Variants in NTN5 observed in about 807,000 individuals in gnomAD.
NTN5 encodes the protein netrin-5.
In NTN5, 42 loss-of-function variants were observed where a neutral mutation model predicts 38.7. The ratio of observed to expected loss-of-function variants is 1.08; its 90% confidence interval spans 0.85 to 1.40. The LOEUF (loss-of-function observed/expected upper bound fraction) is 1.40. NTN5 is among the 40% of genes most tolerant of loss of function. The pLI is 0.00. For missense variants in NTN5, 658 were observed against 716.5 expected (o/e 0.92, Z 0.93); for synonymous variants, 329 against 303.9 (o/e 1.08, Z -0.86).
At position 48,670,448 on chromosome 19, in the gene NTN5, T is replaced by TGGTGGCGGC. The variant is rs2031925701; in HGVS notation, c.530_538dup (p.His179_His180insArgArgHis). On this transcript the variant is annotated inframe_insertion, in exon 2 of 7. Coordinates refer to ENST00000270235, the MANE Select transcript of NTN5 (RefSeq NM_145807.4). ...GCTCTCGCACCCCGGGCCAGTGGTA[T>TGGTGGCGGC]GGTGGCGGCAGTGGCAGCGGGGGGG... 31 of 1,473,540 alleles carry TGGTGGCGGC rather than the reference T, an allele frequency of 2.1e-5. No homozygotes were observed. Among genetic ancestry groups the TGGTGGCGGC allele is most frequent in the Non-Finnish European group, 2.8e-5 (31 of 1,113,060 alleles). 91.3% of individuals were successfully genotyped at this position (1,473,540 alleles called of 1,614,324 possible). A position where few individuals can be genotyped will look rare whatever the true frequency, so the allele number is the denominator to read the frequency against.
rs1053863850 is a variant in NTN5 at position 48,664,752 on chromosome 19, T to G, written c.647A>C (p.Gln216Pro). Residue 216 changes from glutamine (Q) to proline (P), a missense_variant, in exon 3 of 7, where the codon CAG becomes CCG. Transcript: ENST00000270235. ...PHPCLPCSCN[Q>P]HARRCRFNSE... is the part of the protein sequence containing the mutation. ...GTTGAACCGGCAGCGTCGGGCGTGC[T>G]GGTTGCAGGAGCAGGCTAGGAGCAA... 4 of 1,563,948 alleles carry G rather than the reference T, an allele frequency of 2.6e-6. No individual in the cohort carries two copies. The highest frequency in any genetic ancestry group is 2.6e-6 in the Non-Finnish European group (3 of 1,155,556).
chr19:48,664,147 G>T lies in NTN5; in HGVS notation c.966C>A (p.Cys322Ter). Residue 322 changes from cysteine to a stop codon, truncating the protein, a stop_gained, in exon 4 of 7, where the codon TGC (cysteine) becomes TGA (stop). Coordinates refer to ENST00000270235, the MANE Select transcript of NTN5 (RefSeq NM_145807.4). LOFTEE classifies it high-confidence loss of function. Reference sequence around the variant, plus strand: ...GCCTGGCCCCTCAAGACTTACGCTGGCAGGGCATCCTGGGGGAGCGGCTCT... The same window carrying T: ...GCCTGGCCCCTCAAGACTTACGCTGTCAGGGCATCCTGGGGGAGCGGCTCT... ...YQQSRSPRMPCQRIPEATTTL... is the reference protein window; with the variant it reads ...YQQSRSPRMP The T allele has an allele frequency of 3.1e-6, 5 of 1,605,366 alleles. No individual in the cohort carries two copies. Among genetic ancestry groups the T allele is most frequent in the Middle Eastern group, 1.7e-4 (1 of 5,942 alleles).
intron 2 of NTN5, among the ~76,000 whole-genome samples, chr19:48,665,301 T>C (rs2031671033): frequency 6.6e-6 from 1 of 151,620 alleles, no homozygotes; most frequent in Non-Finnish European, 1.5e-5. Flanking sequence ...TTGGCTGTGA[T>C]GGCTTGTGCC....
Position 48,664,680 on chromosome 19 carries a change from T to TC in NTN5, c.718dup (p.Glu240GlyfsTer24). ...CCCAGCTGTGTGGTGGCGGCACCGCTCACAAACACCCCCACTCCGGCCGCC... is the reference window on the plus strand; with the variant it reads ...CCCAGCTGTGTGGTGGCGGCACCGCTCCACAAACACCCCCACTCCGGCCGCC... On this transcript the variant is annotated frameshift_variant, in exon 3 of 7. Coordinates refer to ENST00000270235, the MANE Select transcript of NTN5 (RefSeq NM_145807.4). LOFTEE classifies it high-confidence loss of function. 1 of 1,611,296 alleles carries TC rather than the reference T, an allele frequency of 6.2e-7. No individual in the cohort carries two copies. Among genetic ancestry groups the TC allele is most frequent in the South Asian group, 1.1e-5 (1 of 90,700 alleles).
At chr19:48,667,516 G>A (rs1347431025) in intron 2 of NTN5, 1 of 194,708 alleles carries the variant, frequency 5.1e-6, no homozygotes, top group Non-Finnish European at 1.1e-5. Context: ...GCCAAAGAAT[G>A]GGGATGGTCT....
chr19:48,670,988 G>A lies in NTN5; in HGVS notation c.-2C>T. On this transcript the variant is annotated 5_prime_UTR_variant, in exon 2 of 7. Transcript: ENST00000270235. ...CAGGAGGGCAAAGGTCACGGGCATG[G>A]TCACAGCAGAGCCAGCACCTGGAGG... 1 of 1,521,696 alleles carries A rather than the reference G, an allele frequency of 6.6e-7. No homozygotes were observed. The highest frequency in any genetic ancestry group is 8.8e-7 in the Non-Finnish European group (1 of 1,135,570). The allele number at this position is 1,521,696 out of a possible 1,614,324, so 94.3% of individuals were successfully genotyped here. A position where few individuals can be genotyped will look rare whatever the true frequency, so the allele number is the denominator to read the frequency against.
At chr19:48,669,198 C>T (rs1483150662) in intron 2 of NTN5, among the ~76,000 whole-genome samples, 2 of 31,644 alleles carry the variant, frequency 6.3e-5, no homozygotes, top group African/African-American at 4.6e-4. Flanking sequence ...ATCATCACCA[C>T]CATCACCATC....
chr19:48,663,040 G>A (rs999944828), intron 6 of NTN5: 1 of 370,956 alleles, frequency 2.7e-6, no homozygotes, highest in African/African-American at 2.1e-5. Flanking sequence ...GTGTGGACTG[G>A]GGATTAGGGA....
chr19:48,669,706 T>TCACCACCAC (rs2031865134), intron 2 of NTN5, among the ~76,000 whole-genome samples: 2 of 39,942 alleles, frequency 5.0e-5, no homozygotes, highest in Admixed American at 2.6e-4. Context: ...ATCATCACCA[T>TCACCACCAC]CACCACCATC....
Position 48,661,882 on chromosome 19 carries a change from C to A in NTN5, c.1265G>T (p.Arg422Leu). 1 of 1,346,866 alleles carries A rather than the reference C, an allele frequency of 7.4e-7. No homozygotes were observed. The highest frequency in any genetic ancestry group is 9.5e-7 in the Non-Finnish European group (1 of 1,051,504). 83.4% of individuals were successfully genotyped at this position (1,346,866 alleles called of 1,614,324 possible). A position where few individuals can be genotyped will look rare whatever the true frequency, so the allele number is the denominator to read the frequency against. ...CAGGTAGTCGGTGCCTGGCTGCAGG[C>A]GCAGGCAGCCGCAGGTCAGGTCGGC... ...PRADLTCGCL[R>L]LQPGTDYLLL... The change falls in exon 7 of 7, where the codon CGC becomes CTC. Residue 422 changes from arginine (R) to leucine (L), a missense_variant. Physicochemically the swap from Arg to Leu is moderately radical, Grantham distance 102. Transcript: ENST00000270235.
chr19:48,661,411 C>T lies in NTN5; in HGVS notation c.*266G>A. ...TCAGGGGTCTGTAGACAAAAATTCC[C>T]AAAGATTTGAGACTTTATTGGGGGA... On this transcript the variant is annotated 3_prime_UTR_variant, in exon 7 of 7. Transcript: ENST00000270235. 2 of 347,982 alleles carry T rather than the reference C, an allele frequency of 5.7e-6. No homozygotes were observed. The highest frequency in any genetic ancestry group is 1.0e-5 in the Non-Finnish European group (2 of 193,998). 21.6% of individuals were successfully genotyped at this position (347,982 alleles called of 1,614,324 possible). A position where few individuals can be genotyped will look rare whatever the true frequency, so the allele number is the denominator to read the frequency against.
intron 3 of NTN5, 29 bp from the exon 4 acceptor site, chr19:48,664,321 G>T: frequency 6.2e-7 from 1 of 1,603,134 alleles, no homozygotes; most frequent in Non-Finnish European, 8.5e-7. Flanking sequence ...TGGGGGCATG[G>T]GGTATCAGGG....
In NTN5 at chr19:48,664,743, C is replaced by G; in HGVS notation, c.656G>C (p.Arg219Pro). Residue 219 changes from arginine (R) to proline (P), a missense_variant, in exon 3 of 7, where the codon CGA (arginine) becomes CCA (proline). Coordinates refer to ENST00000270235, the MANE Select transcript of NTN5 (RefSeq NM_145807.4). ...CAGCTCAGAGTTGAACCGGCAGCGT[C>G]GGGCGTGCTGGTTGCAGGAGCAGGC... ...CLPCSCNQHA[R>P]RCRFNSELFR... is the part of the protein sequence containing the mutation. 1.3e-6 allele frequency: 2 copies of G among 1,575,924 alleles called. No individual in the cohort carries two copies. Among genetic ancestry groups the G allele is most frequent in the Non-Finnish European group, 1.7e-6 (2 of 1,161,592 alleles).
rs2031937323 is a variant in NTN5, at chr19:48,670,669, C to T, written c.318G>A (p.Trp106Ter). ...AGGCCCCAGGCCAGGCGGGCCTGTG[C>T]CACAGCAGCCTCCAGGGACCCCCTG... ...WASGGPWRLL[W>*]HRPAWPGALG... The change falls in exon 2 of 7, where the codon TGG (tryptophan) becomes TGA (stop). Residue 106 changes from tryptophan (W) to a stop codon, truncating the protein, a stop_gained. Transcript: ENST00000270235. LOFTEE classifies it high-confidence loss of function. The T allele has an allele frequency of 6.2e-7, 1 of 1,607,690 alleles. No individual in the cohort carries two copies. Among genetic ancestry groups the T allele is most frequent in the East Asian group, 2.2e-5 (1 of 44,658 alleles).
chr19:48,662,354 A>T (rs1315205384), intron 6 of NTN5: 1 of 245,858 alleles, frequency 4.1e-6, no homozygotes, highest in Admixed American at 5.6e-5. Flanking sequence ...CTTGGGAAGG[A>T]GGGGTCACAT....
intron 6 of NTN5, chr19:48,662,931 T>C: frequency 3.7e-6 from 1 of 273,546 alleles, no homozygotes; most frequent in Non-Finnish European, 7.3e-6. Flanking sequence ...TTGAGAGAAA[T>C]AGCTGGCGTT....
intron 2 of NTN5, among the ~76,000 whole-genome samples, chr19:48,669,810 TCAC>T (rs2031879945): frequency 2.2e-5 from 1 of 45,412 alleles, no homozygotes; most frequent in Non-Finnish European, 5.4e-5. Flanking sequence ...ACCACCATCA[TCAC>T]CATCACCACC....
intron 2 of NTN5, among the ~76,000 whole-genome samples, chr19:48,665,092 T>C (rs1206820458): frequency 1.3e-5 from 2 of 151,420 alleles, no homozygotes. Context: ...TTTTTTTTTT[T>C]TTTGTATTTT....
rs1005509808 is a variant in NTN5, at chr19:48,662,051, G to A, written c.1106-10C>T. 2 of 1,457,420 alleles carry A rather than the reference G, an allele frequency of 1.4e-6. No homozygotes were observed. Among genetic ancestry groups the A allele is most frequent in the Non-Finnish European group, 1.8e-6 (2 of 1,112,652 alleles). 90.3% of individuals were successfully genotyped at this position (1,457,420 alleles called of 1,614,324 possible). The stretch of plus-strand genomic sequence containing the variant: ...ACCTGCGCGCGGAGAACTGTGGGGA[G>A]GGGAGATGTCAGCCCAGGTCGTGGG... On this transcript the variant is annotated splice_polypyrimidine_tract_variant and intron_variant, in intron 6 of 6. Transcript: ENST00000270235.
Sources: gnomAD v4.1 joint callset for allele counts (sites outside exome capture counted in the v4.1 genomes callset) on GRCh38, gnomAD v4.1.1 for gene constraint, MANE v1.5 for transcripts, NCBI Gene and HGNC (gene_info 2026-07-23, HGNC 2026-07-21) for gene names.